The following PADI3 variants were observed in gnomAD, a reference collection of about 807,000 sequenced individuals.
PADI3 encodes peptidyl arginine deiminase 3, also known as protein-arginine deiminase type-3.
In PADI3, 53 loss-of-function variants were observed where a neutral mutation model predicts 71.5. The ratio of observed to expected loss-of-function variants is 0.74; its 90% CI spans 0.59 to 0.93. The LOEUF (loss-of-function observed/expected upper bound fraction) is 0.93, where lower values mean the gene tolerates loss of function less well. Ranked by LOEUF, PADI3 falls within the 40% of genes least tolerant of loss-of-function variation. The probability of loss-of-function intolerance (pLI) is 0.00; values close to 1 mark genes in which losing one functional copy is unlikely to be tolerated. For missense variants in PADI3, 821 were observed against 868.0 expected (o/e 0.95, Z 0.68); for synonymous variants, 361 against 347.5 (o/e 1.04, Z -0.43).
Position 17,259,626 on chromosome 1 carries a change from C to A in PADI3, c.141C>A (p.Gly47=). The A allele has an allele frequency of 6.2e-7, 1 of 1,613,214 alleles. No homozygotes were observed. The highest frequency in any genetic ancestry group is 8.5e-7 in the Non-Finnish European group (1 of 1,179,434). The change falls in exon 2 of 16, where the codon GGC becomes GGA. Residue 47 remains glycine (G), a synonymous_variant. Transcript: ENST00000375460. ...TEMFEVYGTP[G]VDIYISPNME... ...TGTTTGAGGTCTATGGGACGCCTGG[C>A]GTGGACATCTACATCTCTCCCAACA...
At chr1:17,280,247 A>G (rs2073384060) in intron 13 of PADI3, 103 bp from the exon 14 acceptor site, 1 of 881,714 alleles carries the variant, frequency 1.1e-6, no homozygotes, top group Non-Finnish European at 1.9e-6. Flanking sequence ...ACTCGGCAAG[A>G]CCATTAGCTG....
In PADI3 at chr1:17,280,396, T is replaced by A; in HGVS notation, c.1602T>A (p.Asn534Lys). The A allele has an allele frequency of 6.2e-7, 1 of 1,614,030 alleles. No individual in the cohort carries two copies. The highest frequency in any genetic ancestry group is 1.1e-5 in the South Asian group (1 of 91,084). Residue 534 changes from asparagine to lysine, a missense_variant, in exon 14 of 16, where the codon AAT becomes AAA. Physicochemically the swap from Asn to Lys is moderately conservative, Grantham distance 94. Transcript: ENST00000375460. ...TCTCCATCAACCAGGTGCTCTCCAA[T>A]AAAGACCTCATCAACTACAATAAGT... ...KTISINQVLSNKDLINYNKFV... is the reference protein window; with the variant it reads ...KTISINQVLSKKDLINYNKFV...
chr1:17,259,352 G>A (rs973559868), intron 1 of PADI3, among the ~76,000 whole-genome samples: 1 of 152,158 alleles, frequency 6.6e-6, no homozygotes, highest in Non-Finnish European at 1.5e-5. Flanking sequence ...ATCCGCCTCG[G>A]CTTCCCAAAG....
At position 17,270,214 on chromosome 1, in the gene PADI3, C is replaced by A; in HGVS notation, c.653-19C>A. On this transcript the variant is annotated intron_variant, in intron 6 of 15. Transcript: ENST00000375460. ...TGGGCCCACAGGGAGTCACAGCCAC[C>A]CCGTCCCTCCCCTTCCAGGTCCTGA... 1 of 1,599,320 alleles carries A rather than the reference C, an allele frequency of 6.3e-7. No individual in the cohort carries two copies. Among genetic ancestry groups the A allele is most frequent in the African/African-American group, 1.3e-5 (1 of 74,624 alleles).
intron 3 of PADI3, among the ~76,000 whole-genome samples, chr1:17,262,570 G>T (rs149496429): frequency 6.6e-6 from 1 of 152,286 alleles, no homozygotes; most frequent in Non-Finnish European, 1.5e-5. Flanking sequence ...AATATGTTAA[G>T]GGTTCTAGTG....
At chr1:17,270,773 A>G in intron 7 of PADI3, 106 bp from the exon 8 acceptor site, 2 of 819,122 alleles carry the variant, frequency 2.4e-6, no homozygotes, top group Non-Finnish European at 4.1e-6. Context: ...TCCATCTTGC[A>G]GAGAAGCAAG....
At chr1:17,259,225 A>C (rs1488632072) in intron 1 of PADI3, among the ~76,000 whole-genome samples, 1 of 152,160 alleles carries the variant, frequency 6.6e-6, no homozygotes, top group East Asian at 1.9e-4. Flanking sequence ...ATATGCTACC[A>C]CGCCTGGCTA....
At chr1:17,275,889 G>A (rs1463517527) in intron 11 of PADI3, among the ~76,000 whole-genome samples, 1 of 152,198 alleles carries the variant, frequency 6.6e-6, no homozygotes, top group Non-Finnish European at 1.5e-5. Flanking sequence ...TGAACATGGG[G>A]GTGAAATCTG....
intron 1 of PADI3, among the ~76,000 whole-genome samples, chr1:17,254,576 G>C (rs2100556481): frequency 6.6e-6 from 1 of 152,198 alleles, no homozygotes; most frequent in African/African-American, 2.4e-5. Flanking sequence ...GGGGATAATA[G>C]CACACAAGTT....
intron 1 of PADI3, among the ~76,000 whole-genome samples, chr1:17,254,862 A>T (rs2073009318): frequency 6.6e-6 from 1 of 152,034 alleles, no homozygotes; most frequent in Non-Finnish European, 1.5e-5. Context: ...GATTACAGGC[A>T]TATGCCACCA....
chr1:17,266,344 G>A (rs1436202357), intron 4 of PADI3, among the ~76,000 whole-genome samples: 2 of 152,246 alleles, frequency 1.3e-5, no homozygotes, highest in African/African-American at 4.8e-5. Context: ...GTACCCTTGA[G>A]CTGAGCTCTG....
At chr1:17,261,200 G>A (rs1167206840) in intron 2 of PADI3, among the ~76,000 whole-genome samples, 1 of 152,166 alleles carries the variant, frequency 6.6e-6, no homozygotes, top group East Asian at 1.9e-4. Flanking sequence ...CCAAGGGGAG[G>A]GTCATGCTTT....
intron 4 of PADI3, 92 bp from the exon 5 acceptor site, chr1:17,266,627 T>C (rs2073171605): frequency 3.1e-6 from 3 of 966,798 alleles, no homozygotes; most frequent in Admixed American, 3.4e-5. Flanking sequence ...CCTCACAGGG[T>C]TGGGTGGTTA....
Position 17,270,999 on chromosome 1 carries a change from T to G in PADI3, c.935+17T>G. 6.2e-7 allele frequency: 1 copy of G among 1,612,536 alleles called. No homozygotes were observed. The highest frequency in any genetic ancestry group is 8.5e-7 in the Non-Finnish European group (1 of 1,178,624). On this transcript the variant is annotated intron_variant, in intron 8 of 15. Coordinates refer to ENST00000375460, the MANE Select transcript of PADI3 (RefSeq NM_016233.2). The stretch of plus-strand genomic sequence containing the variant: ...TGTGTGCCGGTGAGTCTTGGGGCAG[T>G]GGGTGGTCCCTCTGGCCCCCAGGCC...
At chr1:17,272,007 C>A (rs913002885) in intron 9 of PADI3, among the ~76,000 whole-genome samples, 2 of 152,176 alleles carry the variant, frequency 1.3e-5, no homozygotes, top group Non-Finnish European at 2.9e-5. Context: ...CCAGATTTGG[C>A]AGATGAGGGC....
chr1:17,267,871 G>T lies in PADI3; in HGVS notation c.561G>T (p.Thr187=), dbSNP rs777002952. The T allele has an allele frequency of 1.9e-6, 3 of 1,614,030 alleles. No homozygotes were observed. The highest frequency in any genetic ancestry group is 1.7e-5 in the Admixed American group (1 of 60,030). ...LEDMSVMVLR[T]QGPAALFDDH... is the part of the protein sequence containing the mutation. ...ACATGTCTGTCATGGTCCTGCGGAC[G>T]CAGGGCCCTGCAGCCCTCTTTGATG... The change falls in exon 6 of 16, where the codon ACG becomes ACT. Residue 187 remains threonine (T), a synonymous_variant. Coordinates refer to ENST00000375460, the MANE Select transcript of PADI3 (RefSeq NM_016233.2).
At chr1:17,282,463 C>A (rs867040230) in intron 15 of PADI3, among the ~76,000 whole-genome samples, 4 of 152,162 alleles carry the variant, frequency 2.6e-5, no homozygotes, top group Non-Finnish European at 5.9e-5. Context: ...ACTAGACGCT[C>A]CCATTGTCAG....
intron 1 of PADI3, among the ~76,000 whole-genome samples, chr1:17,250,912 C>T (rs991312780): frequency 1.3e-5 from 2 of 152,184 alleles, no homozygotes; most frequent in African/African-American, 4.8e-5. Flanking sequence ...AAGGCCATAG[C>T]TTCCTGGAGT....
chr1:17,256,876 T>C (rs2073034764), intron 1 of PADI3, among the ~76,000 whole-genome samples: 1 of 151,648 alleles, frequency 6.6e-6, no homozygotes, highest in Non-Finnish European at 1.5e-5. Context: ...CTACTGAAAA[T>C]ACAAAAATTA....
Sources: gnomAD v4.1 joint callset for allele counts (sites outside exome capture counted in the v4.1 genomes callset) on GRCh38, gnomAD v4.1.1 for gene constraint, MANE v1.5 for transcripts, NCBI Gene and HGNC (gene_info 2026-07-23, HGNC 2026-07-21) for gene names.